The following NALCN variants were observed in gnomAD, a reference collection of about 807,000 sequenced individuals.
NALCN encodes sodium leak channel, non-selective, also known as sodium leak channel NALCN.
Under a neutral mutation model 225.3 loss-of-function variants are expected in NALCN, and 111 were observed. The ratio of observed to expected loss-of-function variants is 0.49; its 90% CI spans 0.42 to 0.58. The LOEUF is 0.58. NALCN is among the 20% of genes least tolerant of loss of function. The probability of loss-of-function intolerance (pLI) is 0.00; values close to 1 mark genes in which losing one functional copy is unlikely to be tolerated. For missense variants in NALCN, 1,378 were observed against 2,202.4 expected, an observed-to-expected ratio of 0.63 and a Z score of 7.49; for synonymous variants, 764 against 769.0, an observed-to-expected ratio of 0.99 and a Z score of 0.11.
chr13:101,245,633 C>T (rs758290821), intron 11 of NALCN, among the ~76,000 whole-genome samples: 3 of 152,158 alleles, frequency 2.0e-5, no homozygotes, highest in Non-Finnish European at 4.4e-5. Context: ...AATGCATGCT[C>T]AACCGATATA....
intron 7 of NALCN, among the ~76,000 whole-genome samples, chr13:101,343,951 T>G (rs2045637227): frequency 6.6e-6 from 1 of 152,140 alleles, no homozygotes; most frequent in African/African-American, 2.4e-5. Flanking sequence ...AGGGCAACCT[T>G]AACCCTGGAA....
At chr13:101,156,169 C>CTATTTTGTTTGT (rs1208718255) in intron 15 of NALCN, among the ~76,000 whole-genome samples, 1 of 147,878 alleles carries the variant, frequency 6.8e-6, no homozygotes, top group African/African-American at 2.5e-5. Context: ...ATACTTCTAT[C>CTATTTTGTTTGT]TATTTTGTTT....
intron 7 of NALCN, among the ~76,000 whole-genome samples, chr13:101,308,076 T>C (rs1443526893): frequency 6.6e-6 from 1 of 152,196 alleles, no homozygotes; most frequent in Non-Finnish European, 1.5e-5. Context: ...ATAGAGAAAT[T>C]AGTTTATAAC....
At chr13:101,346,579 G>A (rs1187290882) in intron 6 of NALCN, among the ~76,000 whole-genome samples, 6 of 152,160 alleles carry the variant, frequency 3.9e-5, no homozygotes, top group Admixed American at 3.3e-4. Flanking sequence ...AGGAAAGAGA[G>A]ATTATGAGGT....
At chr13:101,111,427 T>C (rs888120927) in intron 18 of NALCN, among the ~76,000 whole-genome samples, 12 of 152,342 alleles carry the variant, frequency 7.9e-5, no homozygotes, top group African/African-American at 2.9e-4. Context: ...ATCACAGCTA[T>C]GAAGAAGGGC....
intron 6 of NALCN, among the ~76,000 whole-genome samples, chr13:101,373,245 A>AT (rs146905145): frequency 6.6e-6 from 1 of 152,284 alleles, no homozygotes; most frequent in Non-Finnish European, 1.5e-5. Context: ...TCTATCAAAC[A>AT]TTTAAGAAAG....
At position 101,147,513 on chromosome 13, in the gene NALCN, C is replaced by T. The variant is rs996697913; in HGVS notation, c.1840-2617G>A. Among the ~76,000 whole-genome samples, 62 of 152,054 alleles carry T rather than the reference C, an allele frequency of 4.1e-4. 1 individual carries two copies. Among genetic ancestry groups the T allele is most frequent in the African/African-American group, 1.4e-3 (60 of 41,394 alleles). On this transcript the variant is annotated intron_variant, in intron 15 of 43. Transcript: ENST00000251127. ...ATGCACCACCACACCTGGCTACCCA[C>T]TGCTTTTAACAAACAAACAAAAAAA...
At chr13:101,143,908 G>A (rs1345902429) in intron 16 of NALCN, among the ~76,000 whole-genome samples, 1 of 152,152 alleles carries the variant, frequency 6.6e-6, no homozygotes, top group African/African-American at 2.4e-5. Context: ...AAGCAAGTGC[G>A]TTCATCTGAT....
chr13:101,105,955 C>T (rs533264443), intron 22 of NALCN, among the ~76,000 whole-genome samples: 44 of 152,202 alleles, frequency 2.9e-4, no homozygotes, highest in African/African-American at 4.3e-4. Flanking sequence ...TTAGTTTCCT[C>T]GAGCTGCTGT....
Position 101,273,114 on chromosome 13 carries a change from C to T in NALCN, c.1134+10819G>A, listed in dbSNP as rs951409059. 2.6e-5 allele frequency among the ~76,000 whole-genome samples: 4 copies of T among 152,304 alleles called. 1 individual carries two copies. The South Asian group carries it at 8.3e-4, about 32-fold the overall frequency. ...TGTACTTTCATTCTCTTGTCAGAGACTTTCCTCATGGTAATAGAGCACGGG... is the reference window on the plus strand; with the variant it reads ...TGTACTTTCATTCTCTTGTCAGAGATTTTCCTCATGGTAATAGAGCACGGG... On this transcript the variant is annotated intron_variant, in intron 10 of 43. Coordinates refer to ENST00000251127, the MANE Select transcript of NALCN (RefSeq NM_052867.4).
chr13:101,277,372 T>C (rs2043002778), intron 10 of NALCN, among the ~76,000 whole-genome samples: 2 of 152,152 alleles, frequency 1.3e-5, no homozygotes, highest in South Asian at 4.1e-4. Context: ...CATTTTAAAA[T>C]GTTAAAAACA....
At chr13:101,199,750 T>C (rs1434846208) in intron 13 of NALCN, among the ~76,000 whole-genome samples, 1 of 151,564 alleles carries the variant, frequency 6.6e-6, no homozygotes, top group Admixed American at 6.6e-5. Context: ...TATACATATG[T>C]ACAAACCTGC....
intron 10 of NALCN, among the ~76,000 whole-genome samples, chr13:101,264,780 C>A (rs2042544774): frequency 6.6e-6 from 1 of 152,150 alleles, no homozygotes; most frequent in Non-Finnish European, 1.5e-5. Context: ...TGTTGGACTA[C>A]ACTAACATAA....
chr13:101,261,989 A>T (rs1158290305), intron 10 of NALCN, among the ~76,000 whole-genome samples: 1 of 152,170 alleles, frequency 6.6e-6, no homozygotes, highest in Admixed American at 6.5e-5. Context: ...GGTCTGTCAT[A>T]TATAGCTTTT....
At chr13:101,363,641 A>G (rs1309188612) in intron 6 of NALCN, among the ~76,000 whole-genome samples, 1 of 152,120 alleles carries the variant, frequency 6.6e-6, no homozygotes, top group Non-Finnish European at 1.5e-5. Context: ...AGAAGAAAAC[A>G]TTGGGTAAAT....
intron 15 of NALCN, among the ~76,000 whole-genome samples, chr13:101,157,834 C>T (rs2037980406): frequency 1.3e-5 from 2 of 151,388 alleles, no homozygotes; most frequent in African/African-American, 2.4e-5. Flanking sequence ...CTCACTACGA[C>T]CTCTGCCTCC....
Position 101,341,090 on chromosome 13 carries a change from C to T in NALCN, c.799+4176G>A, listed in dbSNP as rs141660532. On this transcript the variant is annotated intron_variant, in intron 7 of 43. Transcript: ENST00000251127. ...ATCAACATAATCACACTATCTCCCCCGGTTTTCATCTTATCTCTTCTAGAT... is the reference window on the plus strand; with the variant it reads ...ATCAACATAATCACACTATCTCCCCTGGTTTTCATCTTATCTCTTCTAGAT... Among the ~76,000 whole-genome samples, 710 of 152,172 alleles carry T rather than the reference C, an allele frequency of 4.7e-3. 7 individuals carry two copies. The highest frequency in any genetic ancestry group is 0.016 in the African/African-American group (672 of 41,546).
intron 15 of NALCN, among the ~76,000 whole-genome samples, chr13:101,165,939 T>C (rs2038417400): frequency 6.6e-6 from 1 of 152,246 alleles, no homozygotes; most frequent in South Asian, 2.1e-4. Context: ...TCTCATTCTG[T>C]CTTCTGTTTC....
chr13:101,390,689 G>A (rs1019607115), intron 3 of NALCN, among the ~76,000 whole-genome samples: 15 of 152,046 alleles, frequency 9.9e-5, no homozygotes, highest in African/African-American at 3.6e-4. Flanking sequence ...ATTCTCAGCA[G>A]TAACATTTTA....
Sources: allele counts gnomAD v4.1 joint callset (sites outside exome capture counted in the v4.1 genomes callset), GRCh38; gene constraint gnomAD v4.1.1; transcripts MANE v1.5; gene names NCBI Gene and HGNC (gene_info 2026-07-23, HGNC 2026-07-21).